Variants in ST18 observed in about 807,000 individuals in gnomAD.
ST18 encodes suppression of tumorigenicity 18 protein.
A neutral mutation model predicts 110.0 loss-of-function variants in ST18; 50 were observed. The ratio of observed to expected loss-of-function variants is 0.45; its 90% CI spans 0.36 to 0.58. ST18 has a LOEUF of 0.58. Among genes scored for constraint, ST18 ranks in the 20% least tolerant of loss-of-function variants. The pLI, the probability that ST18 is intolerant of heterozygous loss-of-function variation, is 0.00. For synonymous variants in ST18, 461 were observed against 452.4 expected (o/e 1.02, Z -0.24); for missense variants, 1,306 against 1,280.1 (o/e 1.02, Z -0.31).
intron 15 of ST18, among the ~76,000 whole-genome samples, chr8:52,155,301 T>C (rs1295126257): frequency 6.6e-6 from 1 of 152,226 alleles, no homozygotes; most frequent in Non-Finnish European, 1.5e-5. Flanking sequence ...GTGTTAATTG[T>C]TTTTCCCTGA....
chr8:52,321,974 A>T (rs954965016), intron 2 of ST18, among the ~76,000 whole-genome samples: 1 of 152,320 alleles, frequency 6.6e-6, no homozygotes, highest in South Asian at 2.1e-4. Flanking sequence ...AAGTTATTAA[A>T]CTAGACCATT....
chr8:52,232,672 C>G (rs539497415), intron 2 of ST18, among the ~76,000 whole-genome samples: 20 of 152,046 alleles, frequency 1.3e-4, no homozygotes, highest in Non-Finnish European at 2.6e-4. Flanking sequence ...TGCATTGCTG[C>G]TTATGTAAAT....
At chr8:52,298,485 A>G (rs1403416436) in intron 2 of ST18, among the ~76,000 whole-genome samples, 1 of 152,268 alleles carries the variant, frequency 6.6e-6, no homozygotes, top group Non-Finnish European at 1.5e-5. Flanking sequence ...AGATGTGACT[A>G]AAAGTTATAT....
At chr8:52,211,544 C>T (rs2082174742) in intron 8 of ST18, among the ~76,000 whole-genome samples, 1 of 151,920 alleles carries the variant, frequency 6.6e-6, no homozygotes, top group African/African-American at 2.4e-5. Context: ...GTAGCTGAAA[C>T]TATAGGCACA....
intron 8 of ST18, chr8:52,201,089 G>A (rs956551404): frequency 6.6e-6 from 1 of 152,292 alleles, no homozygotes; most frequent in Non-Finnish European, 1.5e-5. Flanking sequence ...CAGAGACTGG[G>A]GTGTTGAGAA....
chr8:52,141,816 C>T (rs966781782), intron 17 of ST18, among the ~76,000 whole-genome samples: 1 of 152,116 alleles, frequency 6.6e-6, no homozygotes, highest in Admixed American at 6.5e-5. Context: ...GCACTCACTG[C>T]CCCTGTGGGG....
chr8:52,150,013 A>G (rs942355481), intron 15 of ST18, 36 bp from the exon 16 acceptor site: 3 of 1,589,316 alleles, frequency 1.9e-6, no homozygotes, highest in Non-Finnish European at 2.6e-6. Flanking sequence ...ACATTTAAGC[A>G]GTTTGCAGTT....
chr8:52,128,615 C>T (rs1319261873), intron 22 of ST18, among the ~76,000 whole-genome samples: 2 of 152,014 alleles, frequency 1.3e-5, no homozygotes, highest in African/African-American at 4.8e-5. Flanking sequence ...CTTAAACGTC[C>T]TACAAAGTGT....
chr8:52,172,496 T>C lies in ST18; in HGVS notation c.365A>G (p.Tyr122Cys), dbSNP rs373262592. 1.2e-5 allele frequency: 20 copies of C among 1,613,858 alleles called. No individual in the cohort carries two copies. The African/African-American group carries it at 1.7e-4, about 14-fold the overall frequency. Residue 122 changes from tyrosine to cysteine, a missense_variant, in exon 10 of 26, where the codon TAT (tyrosine) becomes TGT (cysteine). Tyr to Cys is a radical substitution (Grantham distance 194). Transcript: ENST00000689386. ...TAAAGACTTGACCATGAGCTCTTGATAACAAGAGTATCTGTCTTCCTTCCT... is the reference window on the plus strand; with the variant it reads ...TAAAGACTTGACCATGAGCTCTTGACAACAAGAGTATCTGTCTTCCTTCCT... ...SSRKEDRYSC[Y>C]QELMVKSLMH...
intron 17 of ST18, among the ~76,000 whole-genome samples, chr8:52,142,310 C>T (rs2055447143): frequency 1.3e-5 from 2 of 152,018 alleles, no homozygotes; most frequent in Admixed American, 6.6e-5. Context: ...AAAGTTTAAA[C>T]ATATTTTTTG....
chr8:52,398,242 A>G (rs936789666), intron 2 of ST18, among the ~76,000 whole-genome samples: 1 of 152,114 alleles, frequency 6.6e-6, no homozygotes, highest in Non-Finnish European at 1.5e-5. Context: ...TATGTATTGA[A>G]ATGTAACTGA....
At chr8:52,279,836 T>C (rs1466853622) in intron 2 of ST18, among the ~76,000 whole-genome samples, 1 of 152,104 alleles carries the variant, frequency 6.6e-6, no homozygotes, top group Non-Finnish European at 1.5e-5. Flanking sequence ...TTACTACAAA[T>C]AGATACACCT....
At chr8:52,202,389 A>G (rs1379246364) in intron 8 of ST18, among the ~76,000 whole-genome samples, 1 of 152,236 alleles carries the variant, frequency 6.6e-6, no homozygotes, top group Non-Finnish European at 1.5e-5. Context: ...TCAGCATATT[A>G]AAAAGGCAGA....
chr8:52,348,058 C>A (rs1026874323), intron 2 of ST18, among the ~76,000 whole-genome samples: 8 of 152,014 alleles, frequency 5.3e-5, no homozygotes, highest in Non-Finnish European at 1.0e-4. Context: ...GTGGACTACA[C>A]CCTGGTTTTG....
At chr8:52,237,950 G>A (rs1052512858) in intron 2 of ST18, among the ~76,000 whole-genome samples, 6 of 152,164 alleles carry the variant, frequency 3.9e-5, no homozygotes, top group African/African-American at 1.2e-4. Context: ...TGAGCAATAA[G>A]CACATGAGAA....
chr8:52,286,179 A>C (rs2095468929), intron 2 of ST18, among the ~76,000 whole-genome samples: 1 of 152,236 alleles, frequency 6.6e-6, no homozygotes, highest in Non-Finnish European at 1.5e-5. Context: ...ATATCAGTGA[A>C]TATTCCTTCA....
chr8:52,238,516 A>C (rs915220401), intron 2 of ST18, among the ~76,000 whole-genome samples: 1 of 152,126 alleles, frequency 6.6e-6, no homozygotes, highest in African/African-American at 2.4e-5. Context: ...AAATTATTAC[A>C]CCAAAAAGAT....
intron 2 of ST18, among the ~76,000 whole-genome samples, chr8:52,259,734 C>T (rs562369415): frequency 6.6e-6 from 1 of 152,122 alleles, no homozygotes; most frequent in Non-Finnish European, 1.5e-5. Context: ...CCAGTCCAAA[C>T]CATTAGCCAT....
At chr8:52,205,334 A>G (rs1005365659) in intron 8 of ST18, among the ~76,000 whole-genome samples, 2 of 151,988 alleles carry the variant, frequency 1.3e-5, no homozygotes, top group African/African-American at 4.8e-5. Context: ...TGTAGGTTAA[A>G]TGACTCACAC....
Sources: allele counts gnomAD v4.1 joint callset (sites outside exome capture counted in the v4.1 genomes callset), GRCh38; gene constraint gnomAD v4.1.1; transcripts MANE v1.5; gene names NCBI Gene and HGNC (gene_info 2026-07-23, HGNC 2026-07-21).